Variants in PNPLA1 observed in about 807,000 individuals in gnomAD.
PNPLA1 encodes the protein patatin like domain 1, omega-hydroxyceramide transacylase.
Under a neutral mutation model 51.7 loss-of-function variants are expected in PNPLA1, and 36 were observed. The observed-to-expected ratio is 0.70, with a 90% CI of 0.53 to 0.92. The LOEUF (loss-of-function observed/expected upper bound fraction) is 0.92. PNPLA1 is among the 40% of genes least tolerant of loss of function. The pLI, the probability that PNPLA1 is intolerant of heterozygous loss-of-function variation, is 0.00. For missense variants in PNPLA1, 658 were observed against 682.5 expected (o/e 0.96, Z 0.40); for synonymous variants, 293 against 280.1 (o/e 1.05, Z -0.46).
intron 8 of PNPLA1, among the ~76,000 whole-genome samples, chr6:36,309,038 A>T (rs1237497802): frequency 6.6e-6 from 1 of 152,110 alleles, no homozygotes; most frequent in African/African-American, 2.4e-5. Context: ...TCTGAGCAAC[A>T]TCCTTCCTGG....
intron 2 of PNPLA1, 113 bp from the exon 3 acceptor site, chr6:36,292,948 C>A (rs991291602): frequency 7.0e-6 from 6 of 860,178 alleles, no homozygotes; most frequent in Admixed American, 2.8e-5. Context: ...GGCACCTTCA[C>A]CTAGAATTTA....
chr6:36,262,563 G>A (rs1769675720), intron 1 of PNPLA1, among the ~76,000 whole-genome samples: 1 of 152,258 alleles, frequency 6.6e-6, no homozygotes, highest in South Asian at 2.1e-4. Context: ...TGAAAAATGG[G>A]TTTCCCTCCA....
At chr6:36,297,484 G>T (rs961838438) in intron 5 of PNPLA1, among the ~76,000 whole-genome samples, 1 of 152,110 alleles carries the variant, frequency 6.6e-6, no homozygotes, top group East Asian at 1.9e-4. Flanking sequence ...CTGGGTAGGG[G>T]TCACCTCCAG....
chr6:36,267,475 T>C (rs569968143), upstream of PNPLA1, among the ~76,000 whole-genome samples: 1 of 152,242 alleles, frequency 6.6e-6, no homozygotes, highest in Admixed American at 6.5e-5. Context: ...CATTGCTGTC[T>C]CCACGTCCAC....
rs1406178193 is a variant in PNPLA1 at position 36,294,032 on chromosome 6, C to T, written c.505-158C>T. On this transcript the variant is annotated intron_variant, in intron 3 of 8. Coordinates refer to ENST00000636260, the MANE Select transcript of PNPLA1 (RefSeq NM_001374623.1). This position sits in a 1 kb window ranked among gnomAD's most constrained non-coding sequence, Gnocchi z 4.2. Reference sequence around the variant, plus strand: ...TGACCAGGGGCACACCACGCACCCACCAGGACCTCCGTCTCCAGGCTTATC... The same window carrying T: ...TGACCAGGGGCACACCACGCACCCATCAGGACCTCCGTCTCCAGGCTTATC... 3.0e-5 allele frequency: 25 copies of T among 827,514 alleles called. No homozygotes were observed. The highest frequency in any genetic ancestry group is 4.3e-5 in the Non-Finnish European group (23 of 533,598). The allele number at this position is 827,514 out of a possible 1,614,324, so 51.3% of individuals were successfully genotyped here. A position where few individuals can be genotyped will look rare whatever the true frequency, so the allele number is the denominator to read the frequency against.
At chr6:36,308,719 A>G (rs1354936171) in intron 8 of PNPLA1, 6 of 152,248 alleles carry the variant, frequency 3.9e-5, no homozygotes, top group African/African-American at 1.4e-4. Context: ...CCGAGTCATC[A>G]TATTTTAAGT....
chr6:36,291,278 TG>T, intron 1 of PNPLA1, 41 bp from the exon 2 acceptor site: 1 of 1,536,660 alleles, frequency 6.5e-7, no homozygotes, highest in Non-Finnish European at 8.9e-7. Flanking sequence ...CCCTGGCCAC[TG>T]GGTGGCACCG....
At chr6:36,254,111 C>T (rs1052631051) in intron 1 of PNPLA1, among the ~76,000 whole-genome samples, 2 of 152,118 alleles carry the variant, frequency 1.3e-5, no homozygotes, top group South Asian at 4.2e-4. Flanking sequence ...GCTAAACAAC[C>T]ATTAAATAGC....
chr6:36,294,215 G>A lies in PNPLA1; in HGVS notation c.530G>A (p.Gly177Asp). The change falls in exon 4 of 9, where the codon GGC becomes GAC. Residue 177 changes from glycine (G) to aspartate (D), a missense_variant. Coordinates refer to ENST00000636260, the MANE Select transcript of PNPLA1 (RefSeq NM_001374623.1). The surrounding 1 kb of genome is among the most constrained non-coding windows in gnomAD (Gnocchi z 4.2). ...GVRYIDGGFT[G>D]MQPCAFWTDA... ...AGGTACATCGATGGGGGCTTCACGG[G>A]CATGCAGCCCTGTGCCTTCTGGACC... is the stretch of plus-strand genomic sequence containing the variant. 1.9e-6 allele frequency: 3 copies of A among 1,614,168 alleles called. No individual in the cohort carries two copies. Among genetic ancestry groups the A allele is most frequent in the Non-Finnish European group, 2.5e-6 (3 of 1,180,028 alleles).
intron 1 of PNPLA1, among the ~76,000 whole-genome samples, chr6:36,290,637 C>T (rs1052515473): frequency 1.3e-5 from 2 of 152,178 alleles, no homozygotes; most frequent in Non-Finnish European, 2.9e-5. Context: ...GAAGATTACA[C>T]CCTCCTCTGC....
intron 8 of PNPLA1, among the ~76,000 whole-genome samples, chr6:36,310,777 G>A (rs952284610): frequency 6.6e-6 from 1 of 152,166 alleles, no homozygotes; most frequent in African/African-American, 2.4e-5. Flanking sequence ...AAGTCACAGG[G>A]GTTAGCACTG....
At position 36,309,307 on chromosome 6, in the gene PNPLA1, C is replaced by T. The variant is rs540716784; in HGVS notation, c.1595+1595C>T. 5.3e-5 allele frequency among the ~76,000 whole-genome samples: 8 copies of T among 152,280 alleles called. No individual in the cohort carries two copies. In the East Asian group the frequency reaches 1.5e-3, roughly 29 times the overall value. ...GAGGTCCCTGGGTTCATGGGATCAA[C>T]AATCCCAGCCTGGGATTCTTCTCAC... On this transcript the variant is annotated intron_variant, in intron 8 of 8. Transcript: ENST00000636260.
chr6:36,268,804 G>C (rs928391375), upstream of PNPLA1, among the ~76,000 whole-genome samples: 1 of 152,060 alleles, frequency 6.6e-6, no homozygotes, highest in African/African-American at 2.4e-5. Flanking sequence ...CCAGGGCCCC[G>C]ACACAGCACA....
chr6:36,280,461 A>C (rs1250094999), intron 1 of PNPLA1, among the ~76,000 whole-genome samples: 1 of 152,200 alleles, frequency 6.6e-6, no homozygotes, highest in African/African-American at 2.4e-5. Flanking sequence ...AACCATATGC[A>C]ATACAGATTT....
At chr6:36,292,962 A>G in intron 2 of PNPLA1, 99 bp from the exon 3 acceptor site, 1 of 975,472 alleles carries the variant, frequency 1.0e-6, no homozygotes, top group Non-Finnish European at 1.5e-6. Flanking sequence ...GAATTTAAGG[A>G]GGTCTGGGCT....
At position 36,287,791 on chromosome 6, in the gene PNPLA1, CA is replaced by C. The variant is rs879586395; in HGVS notation, c.206-3528del. The stretch of plus-strand genomic sequence containing the variant: ...ACACACACACACACACACACACACA[CA>C]CACCCCTGGAGAGAAGTAAGAAGAT... On this transcript the variant is annotated intron_variant, in intron 1 of 8. Transcript: ENST00000636260. 2.2e-3 allele frequency among the ~76,000 whole-genome samples: 297 copies of C among 132,588 alleles called. 4 individuals are homozygous for C. The highest frequency in any genetic ancestry group is 0.02 in the East Asian group (88 of 4,296). The allele number at this position is 132,588 out of a possible 152,430, so 87.0% of individuals were successfully genotyped here. A position where few individuals can be genotyped will look rare whatever the true frequency, so the allele number is the denominator to read the frequency against.
At chr6:36,245,266 G>A (rs1165020640) in intron 1 of PNPLA1, among the ~76,000 whole-genome samples, 2 of 152,162 alleles carry the variant, frequency 1.3e-5, no homozygotes, top group East Asian at 3.8e-4. Context: ...GCCAGTGGAT[G>A]GCATTTTCCA....
intron 5 of PNPLA1, among the ~76,000 whole-genome samples, chr6:36,298,606 T>G (rs981643854): frequency 2.0e-5 from 3 of 152,222 alleles, no homozygotes; most frequent in African/African-American, 7.2e-5. Context: ...CCACTTTCTG[T>G]GCTGATGATT....
In PNPLA1 at chr6:36,302,149, C is replaced by T; in HGVS notation, c.1064C>T (p.Ala355Val). 4.3e-6 allele frequency: 7 copies of T among 1,614,240 alleles called. No individual in the cohort carries two copies. The highest frequency in any genetic ancestry group is 1.3e-5 in the African/African-American group (1 of 75,054). Residue 355 changes from alanine (A) to valine (V), a missense_variant, in exon 6 of 9, where the codon GCA becomes GTA. Coordinates refer to ENST00000636260, the MANE Select transcript of PNPLA1 (RefSeq NM_001374623.1). ...GTCTCTCCACTTGAGCAGCCACCTG[C>T]ACAGCCACTGGCCTCTTCAACTCCA... ...APVSPLEQPP[A>V]QPLASSTPLS...
Sources: allele counts gnomAD v4.1 joint callset (sites outside exome capture counted in the v4.1 genomes callset), GRCh38; gene constraint gnomAD v4.1.1; non-coding constraint Gnocchi (gnomAD v3.1); transcripts MANE v1.5; gene names NCBI Gene and HGNC (gene_info 2026-07-23, HGNC 2026-07-21).